CNBD1: variants seen among roughly 807,000 people sequenced by gnomAD.
CNBD1 encodes the protein cyclic nucleotide-binding domain-containing protein 1.
CNBD1 carries 71 observed loss-of-function variants against 54.4 expected under a neutral mutation model. The observed-to-expected ratio is 1.30, with a 90% CI of 1.08 to 1.59. The LOEUF (loss-of-function observed/expected upper bound fraction) is 1.59, where lower values mean the gene tolerates loss of function less well. Ranked by LOEUF, CNBD1 falls within the 40% of genes most tolerant of loss-of-function variation. CNBD1 has a pLI of 0.00. For missense variants in CNBD1, 659 were observed against 518.0 expected (o/e 1.27, Z -2.64); for synonymous variants, 182 against 170.7 (o/e 1.07, Z -0.51).
intron 8 of CNBD1, among the ~76,000 whole-genome samples, chr8:87,297,278 C>A (rs1392064010): frequency 1.3e-5 from 2 of 151,400 alleles, no homozygotes; most frequent in African/African-American, 4.9e-5. Flanking sequence ...ACACTTTATA[C>A]CTTTTTCATA....
At chr8:87,030,974 CCTT>C (rs1329798908) in intron 4 of CNBD1, among the ~76,000 whole-genome samples, 4 of 135,930 alleles carry the variant, frequency 2.9e-5, no homozygotes, top group Non-Finnish European at 3.1e-5. Context: ...CCTTCTTTCT[CCTT>C]CTTTCTTTCT....
At chr8:86,994,631 T>C (rs1360667672) in intron 4 of CNBD1, among the ~76,000 whole-genome samples, 1 of 152,196 alleles carries the variant, frequency 6.6e-6, no homozygotes, top group African/African-American at 2.4e-5. Flanking sequence ...CTCTGTCCCT[T>C]GACCCACTCT....
intron 4 of CNBD1, among the ~76,000 whole-genome samples, chr8:86,992,371 A>G (rs1169793049): frequency 1.3e-5 from 2 of 152,300 alleles, no homozygotes; most frequent in Non-Finnish European, 2.9e-5. Context: ...ATCATTAAAT[A>G]TAACATGGGC....
At chr8:87,160,592 C>A (rs1812835806) in intron 4 of CNBD1, among the ~76,000 whole-genome samples, 1 of 152,036 alleles carries the variant, frequency 6.6e-6, no homozygotes, top group East Asian at 1.9e-4. Flanking sequence ...TTAATAATTT[C>A]ATAATCTGCT....
intron 6 of CNBD1, among the ~76,000 whole-genome samples, chr8:87,254,638 T>G (rs1388992305): frequency 6.6e-6 from 1 of 152,170 alleles, no homozygotes; most frequent in Non-Finnish European, 1.5e-5. Context: ...TTTGGAACCC[T>G]CATTCATTAT....
rs1257525500 is a variant in CNBD1 at position 87,286,672 on chromosome 8, G to A, written c.1042+1G>A. The A allele has an allele frequency of 6.5e-7, 1 of 1,538,558 alleles. No homozygotes were observed. The highest frequency in any genetic ancestry group is 8.8e-7 in the Non-Finnish European group (1 of 1,138,050). On this transcript the variant is annotated splice_donor_variant, in intron 8 of 10. Coordinates refer to ENST00000518476, the MANE Select transcript of CNBD1 (RefSeq NM_173538.3). LOFTEE classifies it high-confidence loss of function. The stretch of plus-strand genomic sequence containing the variant: ...TGGAAAAAATTTCCTCCAGGTCATG[G>A]TAAGTTTAATGCAATTTAGATCATT...
At chr8:86,888,684 C>G (rs2131788792) in intron 2 of CNBD1, among the ~76,000 whole-genome samples, 1 of 152,224 alleles carries the variant, frequency 6.6e-6, no homozygotes, top group African/African-American at 2.4e-5. Context: ...CAAAAAAGCT[C>G]ATCCAATATT....
In CNBD1 at chr8:87,423,590, G is replaced by C. The variant is rs200461122; in HGVS notation, c.214-4956G>C. ...TGCTGGATTACATTTATTGATTTGC[G>C]TATATTGAACCAGCCTTGCATCCCA... On this transcript the variant is annotated intron_variant, in intron 2 of 7. Transcript: ENST00000521593. 2.9e-4 allele frequency among the ~76,000 whole-genome samples: 43 copies of C among 148,312 alleles called. No homozygotes were observed. In the East Asian group the frequency reaches 6.4e-3, roughly 22 times the overall value.
chr8:87,194,122 G>C (rs1813665558), intron 4 of CNBD1, among the ~76,000 whole-genome samples: 1 of 152,182 alleles, frequency 6.6e-6, no homozygotes, highest in Non-Finnish European at 1.5e-5. Flanking sequence ...TGTGCCTTAT[G>C]AGAATCTAAT....
At chr8:87,236,706 C>G (rs1327369501) in intron 5 of CNBD1, among the ~76,000 whole-genome samples, 34 of 151,998 alleles carry the variant, frequency 2.2e-4, no homozygotes, top group Admixed American at 2.2e-3. Context: ...ATGTAATTGT[C>G]TGAAAAGAAT....
intron 8 of CNBD1, among the ~76,000 whole-genome samples, chr8:87,346,881 C>G (rs1207412311): frequency 6.6e-6 from 1 of 152,146 alleles, no homozygotes; most frequent in Non-Finnish European, 1.5e-5. Flanking sequence ...TATTGCCTCA[C>G]AGGTGGTATG....
intron 8 of CNBD1, among the ~76,000 whole-genome samples, chr8:87,333,193 G>A (rs933909702): frequency 1.3e-5 from 2 of 152,064 alleles, no homozygotes; most frequent in African/African-American, 2.4e-5. Context: ...TGATGTATAG[G>A]AATGCTTGTC....
intron 5 of CNBD1, among the ~76,000 whole-genome samples, chr8:87,214,604 T>C (rs934472525): frequency 6.6e-6 from 1 of 152,224 alleles, no homozygotes; most frequent in African/African-American, 2.4e-5. Context: ...TTTATTAGTC[T>C]GTTCTTAAGC....
chr8:86,894,251 C>CG (rs1476725512), intron 2 of CNBD1, among the ~76,000 whole-genome samples: 1 of 148,556 alleles, frequency 6.7e-6, no homozygotes. Flanking sequence ...TTAGTAGAGA[C>CG]GGGGTTTCAC....
At chr8:87,224,986 T>C (rs1482276288) in intron 5 of CNBD1, among the ~76,000 whole-genome samples, 1 of 152,190 alleles carries the variant, frequency 6.6e-6, no homozygotes, top group Non-Finnish European at 1.5e-5. Context: ...TTCCTGGGTA[T>C]TTTATTCTCT....
intron 1 of CNBD1, among the ~76,000 whole-genome samples, chr8:86,880,764 G>GAA (rs147588450): frequency 1.3e-5 from 2 of 152,034 alleles, no homozygotes; most frequent in Admixed American, 6.6e-5. Context: ...GAACAGCAAT[G>GAA]AAAAAATCCT....
chr8:86,887,530 AT>A lies in CNBD1; in HGVS notation c.89-4del, dbSNP rs768887309. 48 of 1,524,440 alleles carry A rather than the reference AT, an allele frequency of 3.1e-5. No homozygotes were observed. Among genetic ancestry groups the A allele is most frequent in the East Asian group, 7.2e-5 (3 of 41,600 alleles). The allele number at this position is 1,524,440 out of a possible 1,614,324, so 94.4% of individuals were successfully genotyped here. ...GGAAAATTACTCAAATTTTTAATTG[AT>A]TTTTTTTCAGACTTGAAAAAGTCTA... On this transcript the variant is annotated splice_polypyrimidine_tract_variant and intron_variant, in intron 1 of 10. Transcript: ENST00000518476.
chr8:87,209,836 A>G (rs1334920937), intron 5 of CNBD1, among the ~76,000 whole-genome samples: 2 of 152,186 alleles, frequency 1.3e-5, no homozygotes, highest in Non-Finnish European at 2.9e-5. Context: ...TGTTGATATG[A>G]TAAGGCTTTG....
intron 8 of CNBD1, among the ~76,000 whole-genome samples, chr8:87,331,410 G>T (rs1181620832): frequency 2.0e-5 from 3 of 152,166 alleles, no homozygotes; most frequent in African/African-American, 7.2e-5. Flanking sequence ...TTCTGTAGCT[G>T]CATAGTATTC....
Sources: gnomAD v4.1 joint callset for allele counts (sites outside exome capture counted in the v4.1 genomes callset) on GRCh38, gnomAD v4.1.1 for gene constraint, MANE v1.5 for transcripts, NCBI Gene and HGNC (gene_info 2026-07-23, HGNC 2026-07-21) for gene names.